ARMC9: variants seen among roughly 807,000 people sequenced by gnomAD.
ARMC9 encodes armadillo repeat containing 9.
Under a neutral mutation model 107.0 loss-of-function variants are expected in ARMC9, and 94 were observed. The ratio of observed to expected loss-of-function variants is 0.88; its 90% confidence interval spans 0.74 to 1.04. ARMC9 has a LOEUF of 1.04. Ranked by LOEUF, ARMC9 falls within the 50% of genes least tolerant of loss-of-function variation. The pLI is 0.00. For synonymous variants in ARMC9, 380 were observed against 396.9 expected, an observed-to-expected ratio of 0.96 and a Z score of 0.51; for missense variants, 942 against 1,030.1, an observed-to-expected ratio of 0.91 and a Z score of 1.17.
Position 231,360,598 on chromosome 2 carries a change from G to A in ARMC9, c.2132-156G>A, listed in dbSNP as rs1478110002. On this transcript the variant is annotated intron_variant, in intron 22 of 24. Transcript: ENST00000611582. This position sits in a 1 kb window ranked among gnomAD's most constrained non-coding sequence, Gnocchi z 4.7. ...TACCTGGCAAGTTCCCGGGCTGCAC[G>A]AGTAAACAAGTATCCCAAGCCACAG... Among the ~76,000 whole-genome samples the A allele has an allele frequency of 3.3e-5, 5 of 152,132 alleles. No individual in the cohort carries two copies. Among genetic ancestry groups the A allele is most frequent in the Admixed American group, 6.5e-5 (1 of 15,290 alleles).
intron 19 of ARMC9, among the ~76,000 whole-genome samples, chr2:231,320,479 G>GT (rs1482729036): frequency 1.3e-5 from 2 of 148,288 alleles, no homozygotes; most frequent in South Asian, 2.1e-4. Context: ...ATTTATATTT[G>GT]TTTTTTCATC....
At chr2:231,247,424 C>T (rs1268397806) in intron 9 of ARMC9, among the ~76,000 whole-genome samples, 1 of 152,218 alleles carries the variant, frequency 6.6e-6, no homozygotes, top group African/African-American at 2.4e-5. Flanking sequence ...TGAAGCTCAG[C>T]ATCTTCAGCC....
chr2:231,350,946 C>CTTTTTTTTTTTTTTTTTTTTTTTT lies in ARMC9; in HGVS notation c.1995-4845_1995-4822dup, dbSNP rs770225857. On this transcript the variant is annotated intron_variant, in intron 21 of 24. Transcript: ENST00000611582. ...ATCCTATTTGCACAAAGTGACAATTCTTTTTTTTTTTTTTTTTTTTTTTTT... is the reference window on the plus strand; with the variant it reads ...ATCCTATTTGCACAAAGTGACAATTCTTTTTTTTTTTTTTTTTTTTTTTTTTTTTTTTTTTTTTTTTTTTTTTTT... 7.9e-5 allele frequency among the ~76,000 whole-genome samples: 4 copies of CTTTTTTTTTTTTTTTTTTTTTTTT among 50,598 alleles called. 1 individual carries two copies. Among genetic ancestry groups the CTTTTTTTTTTTTTTTTTTTTTTTT allele is most frequent in the African/African-American group, 4.0e-4 (4 of 10,074 alleles). 33.2% of individuals were successfully genotyped at this position (50,598 alleles called of 152,430 possible).
At chr2:231,223,731 CT>C (rs1263241216) in intron 6 of ARMC9, among the ~76,000 whole-genome samples, 1 of 152,132 alleles carries the variant, frequency 6.6e-6, no homozygotes, top group Non-Finnish European at 1.5e-5. Context: ...CTTCCTAAGC[CT>C]TCCCTGTTGC....
At chr2:231,235,817 T>C (rs2035657154) in intron 8 of ARMC9, among the ~76,000 whole-genome samples, 1 of 152,186 alleles carries the variant, frequency 6.6e-6, no homozygotes, top group Admixed American at 6.5e-5. Flanking sequence ...TAATTTTGCA[T>C]TTTTAGTAGA....
intron 1 of ARMC9, chr2:231,199,068 T>C (rs2030271059): frequency 6.6e-6 from 1 of 152,218 alleles, no homozygotes; most frequent in Admixed American, 6.5e-5. Context: ...CTCCATCTGC[T>C]AGCCGCGTTC....
intron 19 of ARMC9, among the ~76,000 whole-genome samples, chr2:231,305,127 A>G (rs1002637076): frequency 6.6e-6 from 1 of 152,344 alleles, no homozygotes; most frequent in Middle Eastern, 3.4e-3. Context: ...GAGTTAATAA[A>G]ATTAATTCCT....
chr2:231,370,724 C>T (rs1037470527), intron 24 of ARMC9: 1 of 196,170 alleles, frequency 5.1e-6, no homozygotes, highest in Non-Finnish European at 1.1e-5. Flanking sequence ...AGGACCACTT[C>T]TTTGTCTTTC....
Position 231,278,470 on chromosome 2 carries a change from G to A in ARMC9, c.1551+12G>A, listed in dbSNP as rs376938034. The A allele has an allele frequency of 3.1e-6, 5 of 1,613,234 alleles. No homozygotes were observed. The highest frequency in any genetic ancestry group is 1.3e-5 in the African/African-American group (1 of 74,912). ...ATGAAAACCATGAGGTACTCATTCA[G>A]CACTGCTGGCCCTGGGCTCGGGGAG... On this transcript the variant is annotated intron_variant, in intron 16 of 24. Transcript: ENST00000611582.
At position 231,258,986 on chromosome 2, in the gene ARMC9, A is replaced by T; in HGVS notation, c.915-5A>T. 1 of 1,607,610 alleles carries T rather than the reference A, an allele frequency of 6.2e-7. No individual in the cohort carries two copies. The highest frequency in any genetic ancestry group is 8.5e-7 in the Non-Finnish European group (1 of 1,174,224). On this transcript the variant is annotated splice_polypyrimidine_tract_variant and splice_region_variant and intron_variant, in intron 10 of 24. Coordinates refer to ENST00000611582, the MANE Select transcript of ARMC9 (RefSeq NM_001352754.2). ...CTTTCTCTTTGAACTTGTGTTGCTG[A>T]GTAGGAAATTGAAGGATGTCCCATT...
intron 17 of ARMC9, among the ~76,000 whole-genome samples, chr2:231,287,620 C>T (rs553830289): frequency 6.8e-4 from 103 of 152,150 alleles, no homozygotes; most frequent in African/African-American, 2.3e-3. Flanking sequence ...TAGGCTCAAG[C>T]GATTCTCCTG....
At chr2:231,225,209 C>G (rs1204599988) in intron 6 of ARMC9, among the ~76,000 whole-genome samples, 1 of 152,106 alleles carries the variant, frequency 6.6e-6, no homozygotes, top group African/African-American at 2.4e-5. Context: ...TATTTCTATG[C>G]ATTTTTATCA....
chr2:231,299,621 G>A (rs1394178751), intron 19 of ARMC9, among the ~76,000 whole-genome samples: 1 of 152,202 alleles, frequency 6.6e-6, no homozygotes, highest in Non-Finnish European at 1.5e-5. Context: ...CAGTCTGGCT[G>A]TGCACAGAAG....
At chr2:231,226,635 C>A in intron 6 of ARMC9, 139 bp from the exon 7 acceptor site, 1 of 961,642 alleles carries the variant, frequency 1.0e-6, no homozygotes, top group South Asian at 1.4e-5. Flanking sequence ...TTTACAGCAA[C>A]AGTTGGAGCT....
chr2:231,214,722 T>C (rs1159059347), intron 3 of ARMC9, 109 bp from the exon 4 acceptor site: 2 of 1,168,506 alleles, frequency 1.7e-6, no homozygotes, highest in South Asian at 1.5e-5. Context: ...TTTTCTATCC[T>C]TTACCACTGA....
chr2:231,304,978 A>G (rs937899460), intron 19 of ARMC9, among the ~76,000 whole-genome samples: 1 of 152,214 alleles, frequency 6.6e-6, no homozygotes, highest in Non-Finnish European at 1.5e-5. Flanking sequence ...TACTCTTTCA[A>G]ATGAAAATGG....
intron 20 of ARMC9, among the ~76,000 whole-genome samples, chr2:231,338,670 CA>C (rs2044294441): frequency 6.6e-6 from 1 of 150,532 alleles, no homozygotes; most frequent in Non-Finnish European, 1.5e-5. Context: ...CCCCCAAGTA[CA>C]AATTCAAATG....
At chr2:231,366,667 C>A (rs988739696) in intron 23 of ARMC9, among the ~76,000 whole-genome samples, 1 of 151,796 alleles carries the variant, frequency 6.6e-6, no homozygotes, top group Admixed American at 6.6e-5. Flanking sequence ...ATGGTGAAAA[C>A]CCGTCTCTAC....
rs1041544462 is a variant in ARMC9, at chr2:231,331,847, C to T, written c.1828C>T (p.Gln610Ter). The part of the protein sequence containing the change: ...DLDKDELIQP[Q>*]LGELSGEKLL... ...GGACAAAGACGAACTGATCCAGCCC[C>T]AGCTCGGAGAACTCTCAGGAGAGAA... Residue 610 changes from glutamine to a stop codon, truncating the protein, a stop_gained, in exon 20 of 25, where the codon CAG becomes TAG. Coordinates refer to ENST00000611582, the MANE Select transcript of ARMC9 (RefSeq NM_001352754.2). LOFTEE classifies it high-confidence loss of function. 3 of 1,614,080 alleles carry T rather than the reference C, an allele frequency of 1.9e-6. No individual in the cohort carries two copies. The highest frequency in any genetic ancestry group is 2.5e-6 in the Non-Finnish European group (3 of 1,179,966).
Sources: allele counts gnomAD v4.1 joint callset (sites outside exome capture counted in the v4.1 genomes callset), GRCh38; gene constraint gnomAD v4.1.1; non-coding constraint Gnocchi (gnomAD v3.1); transcripts MANE v1.5; gene names NCBI Gene and HGNC (gene_info 2026-07-23, HGNC 2026-07-21).